The following PNLIPRP1 variants were observed in gnomAD, a reference collection of about 807,000 sequenced individuals.
PNLIPRP1 encodes the protein inactive pancreatic lipase-related protein 1.
Under a neutral mutation model 54.6 loss-of-function variants are expected in PNLIPRP1, and 57 were observed. That is an observed-to-expected ratio of 1.04 (90% CI 0.84 to 1.30). The LOEUF (loss-of-function observed/expected upper bound fraction) is 1.30, where lower values mean the gene tolerates loss of function less well. PNLIPRP1 is among the 50% of genes most tolerant of loss of function. The pLI, the probability that PNLIPRP1 is intolerant of heterozygous loss-of-function variation, is 0.00. For synonymous variants in PNLIPRP1, 232 were observed against 208.8 expected (o/e 1.11, Z -0.96); for missense variants, 567 against 568.5 (o/e 1.00, Z 0.03).
At chr10:116,606,077 G>GA (rs1372236500) in intron 12 of PNLIPRP1, among the ~76,000 whole-genome samples, 1 of 152,198 alleles carries the variant, frequency 6.6e-6, no homozygotes, top group Non-Finnish European at 1.5e-5. Context: ...ACGGCTGGAG[G>GA]AAAGTTGGAG....
rs1408815908 is a variant in PNLIPRP1, at chr10:116,601,138, G to T, written c.1000G>T (p.Gly334Cys). The change falls in exon 10 of 13, where the codon GGC becomes TGC. Residue 334 changes from glycine to cysteine, a missense_variant. Transcript: ENST00000358834. ...QMGHYADKFA[G>C]RTSEEQQKFF... ...GGGTCACTATGCTGATAAATTTGCTGGCAGGACAAGTGAAGAGCAGCAGAA... is the reference window on the plus strand; with the variant it reads ...GGGTCACTATGCTGATAAATTTGCTTGCAGGACAAGTGAAGAGCAGCAGAA... 1.2e-6 allele frequency: 2 copies of T among 1,614,062 alleles called. No individual in the cohort carries two copies. The highest frequency in any genetic ancestry group is 2.2e-5 in the East Asian group (1 of 44,868).
In PNLIPRP1 at chr10:116,608,443, G is replaced by C. The variant is rs561792700; in HGVS notation, c.1341-610G>C. 2.0e-5 allele frequency among the ~76,000 whole-genome samples: 3 copies of C among 152,298 alleles called. No individual in the cohort carries two copies. In the South Asian group the frequency reaches 6.2e-4, roughly 32 times the overall value. Reference sequence around the variant, plus strand: ...TCCAGAGCTGGAAGACAAGGTCAAGGAAGGCTTGATGTGTGATCCTACCAT... The same window carrying C: ...TCCAGAGCTGGAAGACAAGGTCAAGCAAGGCTTGATGTGTGATCCTACCAT... On this transcript the variant is annotated intron_variant, in intron 12 of 12. Transcript: ENST00000358834.
chr10:116,592,758 C>T (rs1554863426), intron 4 of PNLIPRP1: 3 of 634,276 alleles, frequency 4.7e-6, no homozygotes, highest in Non-Finnish European at 8.6e-6. Flanking sequence ...CTCCTACTAC[C>T]TAATTTCTGG....
chr10:116,592,531 A>C lies in PNLIPRP1; in HGVS notation c.320A>C (p.Asp107Ala). ...AAAGGAGATGAGAGCTGGGTGACAGACATGTGCAAGGTAGGAGCCAGCTCT... is the reference window on the plus strand; with the variant it reads ...AAAGGAGATGAGAGCTGGGTGACAGCCATGTGCAAGGTAGGAGCCAGCTCT... ...IDKGDESWVT[D>A]MCKKLFEVEE... The change falls in exon 4 of 13, where the codon GAC (aspartate) becomes GCC (alanine). Residue 107 changes from aspartate to alanine, a missense_variant. Asp to Ala is a moderately radical substitution (Grantham distance 126). Transcript: ENST00000358834. 6.2e-7 allele frequency: 1 copy of C among 1,614,174 alleles called. No homozygotes were observed. The highest frequency in any genetic ancestry group is 8.5e-7 in the Non-Finnish European group (1 of 1,180,018).
At chr10:116,602,938 T>C (rs1229115243) in intron 10 of PNLIPRP1, among the ~76,000 whole-genome samples, 2 of 32,682 alleles carry the variant, frequency 6.1e-5, no homozygotes, top group African/African-American at 1.2e-4. Flanking sequence ...TTTGTGTAGA[T>C]GTATGTGTGT....
At chr10:116,594,885 A>C in intron 5 of PNLIPRP1, 21 bp downstream of exon 5, 1 of 1,613,158 alleles carries the variant, frequency 6.2e-7, no homozygotes, top group South Asian at 1.1e-5. Context: ...TGGCTGGCCT[A>C]TGTGAGGAGG....
intron 5 of PNLIPRP1, chr10:116,595,970 C>T (rs1847727855): frequency 2.5e-6 from 1 of 397,604 alleles, no homozygotes; most frequent in African/African-American, 2.0e-5. Flanking sequence ...CAAACCAGGC[C>T]CAGAGGTGAG....
chr10:116,591,437 A>G (rs7903492), intron 2 of PNLIPRP1, among the ~76,000 whole-genome samples: 8,252 of 152,288 alleles, frequency 0.054, 252 homozygotes, highest in Middle Eastern at 0.078. Context: ...CATCTGCCTG[A>G]GTTAACATAT....
rs536311593 is a variant in PNLIPRP1, at chr10:116,599,671, G to A, written c.815-376G>A. ...GGCACTAAGGTTAGAGGGATGGGCC[G>A]AAGACAAGATGGGCATGGGTTTAAT... On this transcript the variant is annotated intron_variant, in intron 8 of 12. Transcript: ENST00000358834. Among the ~76,000 whole-genome samples, 108 of 152,290 alleles carry A rather than the reference G, an allele frequency of 7.1e-4. 4 individuals are homozygous for A. In the South Asian group the frequency reaches 0.02, roughly 28 times the overall value.
In PNLIPRP1 at chr10:116,591,770, G is replaced by C; in HGVS notation, c.50-1G>C. On this transcript the variant is annotated splice_acceptor_variant, in intron 2 of 12. Coordinates refer to ENST00000358834, the MANE Select transcript of PNLIPRP1 (RefSeq NM_006229.4). LOFTEE classifies it high-confidence loss of function. ...TGAGCAGATTCAACCTTTCTCTGTA[G>C]GAAAAGAAGTTTGCTATGAGGACCT... The C allele has an allele frequency of 6.2e-7, 1 of 1,614,082 alleles. No individual in the cohort carries two copies. The highest frequency in any genetic ancestry group is 8.5e-7 in the Non-Finnish European group (1 of 1,180,008).
At chr10:116,608,272 C>G (rs1847971150) in intron 12 of PNLIPRP1, among the ~76,000 whole-genome samples, 1 of 152,178 alleles carries the variant, frequency 6.6e-6, no homozygotes, top group Non-Finnish European at 1.5e-5. Flanking sequence ...CTGAGAAAAG[C>G]TTGGACCAAA....
intron 5 of PNLIPRP1, 63 bp from the exon 6 acceptor site, chr10:116,596,151 A>C: frequency 9.2e-7 from 1 of 1,088,414 alleles, no homozygotes; most frequent in Non-Finnish European, 1.4e-6. Context: ...AATATCCATT[A>C]GGCTGGCATT....
chr10:116,602,932 TGTA>T (rs1485329086), intron 10 of PNLIPRP1, among the ~76,000 whole-genome samples: 7 of 41,848 alleles, frequency 1.7e-4, no homozygotes, highest in Admixed American at 3.3e-4. Context: ...TGCATGTTTG[TGTA>T]GATGTATGTG....
At chr10:116,606,169 A>G (rs1453193441) in intron 12 of PNLIPRP1, among the ~76,000 whole-genome samples, 4 of 152,142 alleles carry the variant, frequency 2.6e-5, no homozygotes, top group Non-Finnish European at 5.9e-5. Flanking sequence ...CTTTGTGGGA[A>G]GGAGATCCTG....
intron 4 of PNLIPRP1, chr10:116,594,330 G>A (rs781897962): frequency 5.8e-5 from 30 of 516,836 alleles, no homozygotes; most frequent in East Asian, 1.1e-4. Flanking sequence ...CTGGGGCATC[G>A]CCAAGAGCCT....
At chr10:116,592,172 T>C in intron 3 of PNLIPRP1, 1 of 630,254 alleles carries the variant, frequency 1.6e-6, no homozygotes, top group Non-Finnish European at 2.7e-6. Flanking sequence ...GCAAACAGCT[T>C]ACTGTCTAAC....
intron 9 of PNLIPRP1, 162 bp downstream of exon 9, chr10:116,600,327 G>T: frequency 1.8e-6 from 1 of 547,824 alleles, no homozygotes; most frequent in Non-Finnish European, 3.3e-6. Flanking sequence ...AACAACTTTT[G>T]GCAGGAGATG....
At chr10:116,591,699 C>A in intron 2 of PNLIPRP1, 72 bp from the exon 3 acceptor site, 1 of 1,480,848 alleles carries the variant, frequency 6.8e-7, no homozygotes, top group Non-Finnish European at 9.3e-7. Flanking sequence ...AGTGACCAGG[C>A]CCGAACAGCA....
chr10:116,596,299 C>A lies in PNLIPRP1; in HGVS notation c.551C>A (p.Thr184Asn). 1 of 1,612,806 alleles carries A rather than the reference C, an allele frequency of 6.2e-7. No individual in the cohort carries two copies. The highest frequency in any genetic ancestry group is 8.5e-7 in the Non-Finnish European group (1 of 1,178,786). ...GTGGCTGGAGAGGCAGGAAGCAAGA[C>A]TCCAGGCCTGAGCAGGATTACAGGT... ...AHVAGEAGSK[T>N]PGLSRITGLD... Residue 184 changes from threonine (T) to asparagine (N), a missense_variant, in exon 6 of 13, where the codon ACT becomes AAT. Transcript: ENST00000358834.
Sources: gnomAD v4.1 joint callset for allele counts (sites outside exome capture counted in the v4.1 genomes callset) on GRCh38, gnomAD v4.1.1 for gene constraint, MANE v1.5 for transcripts, NCBI Gene and HGNC (gene_info 2026-07-23, HGNC 2026-07-21) for gene names.